Variants in MBNL2 observed in about 807,000 individuals in gnomAD.
MBNL2 encodes muscleblind like splicing regulator 2, also known as muscleblind-like protein 2.
Under a neutral mutation model 41.9 loss-of-function variants are expected in MBNL2, and 17 were observed. The observed-to-expected ratio is 0.41, with a 90% CI of 0.28 to 0.61. The LOEUF is 0.61. Ranked by LOEUF, MBNL2 falls within the 20% of genes least tolerant of loss-of-function variation. The pLI, the probability that MBNL2 is intolerant of heterozygous loss-of-function variation, is 0.35. For missense variants in MBNL2, 336 were observed against 505.6 expected (o/e 0.66, Z 3.22); for synonymous variants, 195 against 182.9 (o/e 1.07, Z -0.53).
At chr13:97,145,090 A>G in the MBNL2 span, among the ~76,000 whole-genome samples, 1 of 152,184 alleles carries the variant, frequency 6.6e-6, no homozygotes, top group Non-Finnish European at 1.5e-5. Flanking sequence ...TCAGGAAAGA[A>G]CGCAGGCTTC....
intron 2 of MBNL2, among the ~76,000 whole-genome samples, chr13:97,288,840 G>A (rs1480305787): frequency 6.6e-6 from 1 of 152,184 alleles, no homozygotes; most frequent in Non-Finnish European, 1.5e-5. Flanking sequence ...CAGGGAATGA[G>A]TAGATATTGA....
At chr13:97,172,533 A>G in the MBNL2 span, 1 of 152,056 alleles carries the variant, frequency 6.6e-6, no homozygotes, top group Non-Finnish European at 1.5e-5. Context: ...GAGACTGCAA[A>G]TTTTCCACTG....
rs374068549 is a variant in MBNL2, at chr13:97,334,263, C to G, written c.175-13C>G. On this transcript the variant is annotated splice_polypyrimidine_tract_variant and intron_variant, in intron 2 of 8. Transcript: ENST00000679496. This position sits in a 1 kb window ranked among gnomAD's most constrained non-coding sequence, Gnocchi z 5.3. The stretch of plus-strand genomic sequence containing the variant: ...ACTTAAAATAGTCCTAAAACCAACA[C>G]TTGTTTTTACAGGGCCGTTGTTCGA... 2 of 1,601,998 alleles carry G rather than the reference C, an allele frequency of 1.2e-6. No individual in the cohort carries two copies. Among genetic ancestry groups the G allele is most frequent in the East Asian group, 4.5e-5 (2 of 44,740 alleles).
chr13:97,218,401 C>G (rs1427321755), upstream of MBNL2, among the ~76,000 whole-genome samples: 1 of 60,764 alleles, frequency 1.6e-5, no homozygotes, highest in African/African-American at 5.9e-5. Flanking sequence ...CAGAGCGAGA[C>G]TCTGTCTCAA....
chr13:97,232,280 T>G (rs1257178988), intron 1 of MBNL2, among the ~76,000 whole-genome samples: 1 of 151,998 alleles, frequency 6.6e-6, no homozygotes, highest in African/African-American at 2.4e-5. Flanking sequence ...GAACCAGGAG[T>G]CAAGCTAAAC....
At chr13:97,353,702 C>A (rs756819039) in intron 5 of MBNL2, among the ~76,000 whole-genome samples, 20 of 152,144 alleles carry the variant, frequency 1.3e-4, no homozygotes, top group Non-Finnish European at 2.9e-4. Context: ...ACAGACAGAA[C>A]TTTTCTTTGG....
At chr13:97,280,564 C>T (rs902162162) in intron 2 of MBNL2, among the ~76,000 whole-genome samples, 1 of 152,226 alleles carries the variant, frequency 6.6e-6, no homozygotes, top group African/African-American at 2.4e-5. Context: ...GATGTCACTG[C>T]TCTGTTCAGG....
chr13:97,382,672 ATTT>A (rs72001733), intron 8 of MBNL2, among the ~76,000 whole-genome samples: 2 of 125,606 alleles, frequency 1.6e-5, no homozygotes, highest in Admixed American at 8.1e-5. Context: ...TCTGCCAACT[ATTT>A]TTTTTTTTTT....
intron 8 of MBNL2, among the ~76,000 whole-genome samples, chr13:97,383,367 T>C (rs145323586): frequency 8.8e-4 from 134 of 152,364 alleles, no homozygotes; most frequent in African/African-American, 3.0e-3. Context: ...ATCCAGATAC[T>C]CTAAGTTGTC....
intron 4 of MBNL2, among the ~76,000 whole-genome samples, chr13:97,345,635 T>C (rs563887703): frequency 3.9e-5 from 6 of 152,176 alleles, no homozygotes; most frequent in Admixed American, 2.6e-4. Context: ...AAAAATAGTA[T>C]AGTGACCTTA....
intron 1 of MBNL2, among the ~76,000 whole-genome samples, chr13:97,235,980 G>A (rs2043208287): frequency 6.6e-6 from 1 of 152,198 alleles, no homozygotes; most frequent in Non-Finnish European, 1.5e-5. Context: ...AAATTTGACG[G>A]TGATGGGCGT....
the MBNL2 span, among the ~76,000 whole-genome samples, chr13:97,201,941 T>A: frequency 6.6e-6 from 1 of 152,222 alleles, no homozygotes. Flanking sequence ...GTTGGTAGAT[T>A]TATTTCTTCA....
intron 1 of MBNL2, among the ~76,000 whole-genome samples, chr13:97,240,175 C>T (rs1240319382): frequency 1.3e-5 from 2 of 152,166 alleles, no homozygotes; most frequent in Non-Finnish European, 2.9e-5. Flanking sequence ...TAGGAACCCA[C>T]ATTTATTGCT....
At chr13:97,243,143 G>A (rs2044671015) in intron 1 of MBNL2, among the ~76,000 whole-genome samples, 1 of 152,244 alleles carries the variant, frequency 6.6e-6, no homozygotes, top group South Asian at 2.1e-4. Flanking sequence ...GACAGTGGAT[G>A]TGGGAGAGAG....
chr13:97,195,136 G>A, the MBNL2 span, among the ~76,000 whole-genome samples: 4 of 152,056 alleles, frequency 2.6e-5, no homozygotes, highest in Non-Finnish European at 4.4e-5. Context: ...ACCCCTTTCT[G>A]GTAACACAAA....
At chr13:97,254,712 T>C (rs1209689605) in intron 1 of MBNL2, among the ~76,000 whole-genome samples, 1 of 152,154 alleles carries the variant, frequency 6.6e-6, no homozygotes, top group Non-Finnish European at 1.5e-5. Flanking sequence ...TTTTAATTAC[T>C]GTAGTATTTT....
chr13:97,330,627 C>T (rs977125459), intron 2 of MBNL2, among the ~76,000 whole-genome samples: 16 of 152,302 alleles, frequency 1.1e-4, no homozygotes, highest in African/African-American at 3.6e-4. Flanking sequence ...CACAATGATA[C>T]ACAAAGACGC....
At chr13:97,151,210 C>T in the MBNL2 span, among the ~76,000 whole-genome samples, 1 of 152,096 alleles carries the variant, frequency 6.6e-6, no homozygotes, top group Non-Finnish European at 1.5e-5. Flanking sequence ...ACTTCAGAAA[C>T]CAGGAATGGC....
At chr13:97,256,683 C>T (rs1360606519) in intron 1 of MBNL2, among the ~76,000 whole-genome samples, 1 of 152,062 alleles carries the variant, frequency 6.6e-6, no homozygotes, top group Non-Finnish European at 1.5e-5. Flanking sequence ...CCAAATCTTC[C>T]ATAGACAGTA....
Sources: gnomAD v4.1 joint callset for allele counts (sites outside exome capture counted in the v4.1 genomes callset) on GRCh38, gnomAD v4.1.1 for gene constraint, Gnocchi (gnomAD v3.1) non-coding constraint, MANE v1.5 for transcripts, NCBI Gene and HGNC (gene_info 2026-07-23, HGNC 2026-07-21) for gene names.